ZNF814: variants seen among roughly 807,000 people sequenced by gnomAD.
ZNF814 encodes zinc finger protein 814.
In ZNF814, 5 loss-of-function variants were observed where a neutral mutation model predicts 7.5. That is an observed-to-expected ratio of 0.67 (90% CI 0.35 to 1.40). The LOEUF (loss-of-function observed/expected upper bound fraction) is 1.40. Among genes scored for constraint, ZNF814 ranks in the 40% most tolerant of loss-of-function variants. ZNF814 has a pLI of 0.04. For synonymous variants in ZNF814, 315 were observed against 340.7 expected, an observed-to-expected ratio of 0.92 and a Z score of 0.83; for missense variants, 962 against 1,018.0, an observed-to-expected ratio of 0.94 and a Z score of 0.75.
chr19:57,883,078 G>A (rs1245774255), intron 1 of ZNF814, among the ~76,000 whole-genome samples: 5 of 151,854 alleles, frequency 3.3e-5, no homozygotes, highest in East Asian at 1.9e-4. Flanking sequence ...AACAGAACTG[G>A]CCGGGTGTGG....
chr19:57,885,945 C>A, intron 1 of ZNF814: 1 of 127,416 alleles, frequency 7.8e-6, no homozygotes, highest in Non-Finnish European at 1.6e-5. Flanking sequence ...CACTGCACTC[C>A]AGTCTGGATG....
At chr19:57,903,947 C>A in the ZNF814 span, among the ~76,000 whole-genome samples, 2 of 152,168 alleles carry the variant, frequency 1.3e-5, no homozygotes, top group Admixed American at 1.3e-4. Flanking sequence ...TAAAACCCCT[C>A]ATGACCTTTG....
chr19:57,900,910 A>AGTG, the ZNF814 span, among the ~76,000 whole-genome samples: 1 of 123,894 alleles, frequency 8.1e-6, no homozygotes, highest in Non-Finnish European at 1.6e-5. Context: ...TGCAGTGACC[A>AGTG]ATCTCGGTTC....
intron 1 of ZNF814, among the ~76,000 whole-genome samples, chr19:57,888,277 T>G (rs1034523104): frequency 3.3e-5 from 5 of 152,216 alleles, no homozygotes; most frequent in African/African-American, 1.2e-4. Flanking sequence ...TGAACTGGAA[T>G]CACAAGAGAA....
At chr19:57,875,943 C>CGTTTTTTT in intron 2 of ZNF814, among the ~76,000 whole-genome samples, 1 of 71,436 alleles carries the variant, frequency 1.4e-5, no homozygotes, top group East Asian at 4.0e-4. Context: ...CAGGGTGCCG[C>CGTTTTTTT]TTTTTTTTTT....
intron 1 of ZNF814, among the ~76,000 whole-genome samples, chr19:57,880,819 T>C (rs1354088051): frequency 2.7e-5 from 4 of 149,350 alleles, no homozygotes; most frequent in African/African-American, 5.0e-5. Context: ...GGTTTTGCCA[T>C]GTTGGCCAGG....
At chr19:57,894,426 AT>A in the ZNF814 span, among the ~76,000 whole-genome samples, 1 of 151,792 alleles carries the variant, frequency 6.6e-6, no homozygotes, top group Non-Finnish European at 1.5e-5. Flanking sequence ...GGGTTTTCTT[AT>A]TTTGTTTCAT....
At chr19:57,899,732 T>A in the ZNF814 span, among the ~76,000 whole-genome samples, 1 of 152,212 alleles carries the variant, frequency 6.6e-6, no homozygotes, top group African/African-American at 2.4e-5. Flanking sequence ...TTTTTAGTTT[T>A]TCCTACTAAA....
chr19:57,870,999 GAAA>G lies in ZNF814; in HGVS notation c.*1820_*1822del, dbSNP rs951824788. On this transcript the variant is annotated 3_prime_UTR_variant, in exon 3 of 3. Transcript: ENST00000435989. ...TGCCTCAAAAAAAAAGAAAAAAAAA[GAAA>G]AAAAAGACATGAGTTGCAGTTACAT... 3 of 151,196 alleles carry G rather than the reference GAAA, an allele frequency of 2.0e-5. No homozygotes were observed. The highest frequency in any genetic ancestry group is 4.9e-5 in the African/African-American group (2 of 41,004). The allele number at this position is 151,196 out of a possible 1,614,324, so 9.4% of individuals were successfully genotyped here.
At chr19:57,904,034 TG>T in the ZNF814 span, among the ~76,000 whole-genome samples, 2 of 152,160 alleles carry the variant, frequency 1.3e-5, no homozygotes, top group African/African-American at 4.8e-5. Context: ...TGAAACCCCT[TG>T]TGGCTTGGAG....
Position 57,871,128 on chromosome 19 carries a change from A to C in ZNF814, c.*1694T>G, listed in dbSNP as rs527459566. ...GTGATGTTATCCTACAGAATTCTGGATATCAGGGCATGTGTCTGCATTGCA... is the reference window on the plus strand; with the variant it reads ...GTGATGTTATCCTACAGAATTCTGGCTATCAGGGCATGTGTCTGCATTGCA... On this transcript the variant is annotated 3_prime_UTR_variant, in exon 3 of 3. Coordinates refer to ENST00000435989, the MANE Select transcript of ZNF814 (RefSeq NM_001144989.2). 1 of 152,320 alleles carries C rather than the reference A, an allele frequency of 6.6e-6. No homozygotes were observed. The highest frequency in any genetic ancestry group is 1.9e-4 in the East Asian group (1 of 5,194). 9.4% of individuals were successfully genotyped at this position (152,320 alleles called of 1,614,324 possible).
Position 57,873,384 on chromosome 19 carries a change from A to C in ZNF814, c.2006T>G (p.Phe669Cys). 1.2e-6 allele frequency: 2 copies of C among 1,607,540 alleles called. No individual in the cohort carries two copies. Among genetic ancestry groups the C allele is most frequent in the East Asian group, 2.2e-5 (1 of 44,534 alleles). Reference sequence around the variant, plus strand: ...TAGAATGAGGTTACCCTTGTGACTAAAACATTTCCCACATTCCCCACACTT... The same window carrying C: ...TAGAATGAGGTTACCCTTGTGACTACAACATTTCCCACATTCCCCACACTT... ...PFKCGECGKCFSHKGNLILHQ... is the reference protein window; with the variant it reads ...PFKCGECGKCCSHKGNLILHQ... Residue 669 changes from phenylalanine (F) to cysteine (C), a missense_variant, in exon 3 of 3, where the codon TTT becomes TGT. Physicochemically the swap from Phe to Cys is radical, Grantham distance 205. Transcript: ENST00000435989.
chr19:57,884,326 C>T lies in ZNF814; in HGVS notation c.36+4441G>A, dbSNP rs941742532. Among the ~76,000 whole-genome samples, 7 of 152,286 alleles carry T rather than the reference C, an allele frequency of 4.6e-5. No individual in the cohort carries two copies. In the South Asian group the frequency reaches 1.0e-3, roughly 23 times the overall value. Reference sequence around the variant, plus strand: ...TCAATAGACATTTCTCAAAAGAAGACATACAGTCAGGAGCAGTGCCTCCCA... The same window carrying T: ...TCAATAGACATTTCTCAAAAGAAGATATACAGTCAGGAGCAGTGCCTCCCA... On this transcript the variant is annotated intron_variant, in intron 1 of 2. Transcript: ENST00000435989.
Position 57,876,944 on chromosome 19 carries a change from C to T in ZNF814, c.135G>A (p.Leu45=). The T allele has an allele frequency of 1.2e-6, 2 of 1,614,114 alleles. No homozygotes were observed. The highest frequency in any genetic ancestry group is 1.7e-6 in the Non-Finnish European group (2 of 1,180,004). ...GGGAGGATATAAGTGCCAGGTTCTC[C>T]AGCGTCACATCACGGTACAGGCATC... is the stretch of plus-strand genomic sequence containing the variant. ...AQRCLYRDVT[L]ENLALISSLG... The change falls in exon 2 of 3, where the codon CTG becomes CTA. Residue 45 remains leucine (L), a synonymous_variant. Coordinates refer to ENST00000435989, the MANE Select transcript of ZNF814 (RefSeq NM_001144989.2).
At chr19:57,892,478 G>A (rs2071739188), upstream of ZNF814, among the ~76,000 whole-genome samples, 1 of 152,192 alleles carries the variant, frequency 6.6e-6, no homozygotes, top group South Asian at 2.1e-4. Context: ...CTTCCTAAGA[G>A]TTAGGGGGTT....
At position 57,889,026 on chromosome 19, in the gene ZNF814, AC is replaced by A. The variant is rs2071717379; in HGVS notation, c.-225del. On this transcript the variant is annotated 5_prime_UTR_variant, in exon 1 of 3. Coordinates refer to ENST00000435989, the MANE Select transcript of ZNF814 (RefSeq NM_001144989.2). The stretch of plus-strand genomic sequence containing the variant: ...AGCCTCTCCTACAAATAAATCCAAC[AC>A]CAATCAAAATGGCCGCCACCAGAGG... 1 of 547,570 alleles carries A rather than the reference AC, an allele frequency of 1.8e-6. No homozygotes were observed. The highest frequency in any genetic ancestry group is 2.7e-5 in the South Asian group (1 of 37,116). 33.9% of individuals were successfully genotyped at this position (547,570 alleles called of 1,614,324 possible). A position where few individuals can be genotyped will look rare whatever the true frequency, so the allele number is the denominator to read the frequency against.
At position 57,888,384 on chromosome 19, in the gene ZNF814, T is replaced by C. The variant is rs1321345374; in HGVS notation, c.36+383A>G. Among the ~76,000 whole-genome samples the C allele has an allele frequency of 2.0e-5, 3 of 152,294 alleles. No individual in the cohort carries two copies. In the East Asian group the frequency reaches 5.8e-4, roughly 29 times the overall value. On this transcript the variant is annotated intron_variant, in intron 1 of 2. Coordinates refer to ENST00000435989, the MANE Select transcript of ZNF814 (RefSeq NM_001144989.2). ...ACAAACATGCATGGACCTGATTATC[T>C]CTACCCTTACAATGCTCATGACATC...
chr19:57,886,127 T>C (rs986722512), intron 1 of ZNF814, among the ~76,000 whole-genome samples: 1 of 151,820 alleles, frequency 6.6e-6, no homozygotes, highest in Non-Finnish European at 1.5e-5. Context: ...AGAGAACATA[T>C]AGGTCGGGGT....
Position 57,870,678 on chromosome 19 carries a change from T to G in ZNF814, c.*2144A>C, listed in dbSNP as rs1339147615. On this transcript the variant is annotated 3_prime_UTR_variant, in exon 3 of 3. Coordinates refer to ENST00000435989, the MANE Select transcript of ZNF814 (RefSeq NM_001144989.2). ...TACGTAGTGACTGGATCATTGTGGATGCCCTTTTAAAAGACATGCATTACG... is the reference window on the plus strand; with the variant it reads ...TACGTAGTGACTGGATCATTGTGGAGGCCCTTTTAAAAGACATGCATTACG... 1.3e-5 allele frequency: 2 copies of G among 152,212 alleles called. No individual in the cohort carries two copies. Among genetic ancestry groups the G allele is most frequent in the Non-Finnish European group, 2.9e-5 (2 of 68,032 alleles). 9.4% of individuals were successfully genotyped at this position (152,212 alleles called of 1,614,324 possible).
Sources: gnomAD v4.1 joint callset for allele counts (sites outside exome capture counted in the v4.1 genomes callset) on GRCh38, gnomAD v4.1.1 for gene constraint, MANE v1.5 for transcripts, NCBI Gene and HGNC (gene_info 2026-07-23, HGNC 2026-07-21) for gene names.